DCT: variants seen among roughly 807,000 people sequenced by gnomAD.
DCT encodes dopachrome tautomerase, also known as L-dopachrome tautomerase.
A neutral mutation model predicts 53.0 loss-of-function variants in DCT; 47 were observed. That is an observed-to-expected ratio of 0.89 (90% confidence interval 0.70 to 1.13). The LOEUF (loss-of-function observed/expected upper bound fraction) is 1.13. Ranked by LOEUF, DCT falls within the 50% of genes most tolerant of loss-of-function variation. The pLI is 0.00. For synonymous variants in DCT, 244 were observed against 237.0 expected, an observed-to-expected ratio of 1.03 and a Z score of -0.27; for missense variants, 669 against 637.4, an observed-to-expected ratio of 1.05 and a Z score of -0.53.
At position 94,454,379 on chromosome 13, in the gene DCT, A is replaced by G. The variant is rs2139307102; in HGVS notation, c.1179+5712T>C. Among the ~76,000 whole-genome samples the G allele has an allele frequency of 1.3e-5, 2 of 152,310 alleles. 1 individual carries two copies. Among genetic ancestry groups the G allele is most frequent in the South Asian group, 4.1e-4 (2 of 4,824 alleles). ...TTGGGAAGGAAATTACCACTATGTA[A>G]CACAGTTTCTTTCTTGGCATTTAAA... is the stretch of plus-strand genomic sequence containing the variant. On this transcript the variant is annotated intron_variant, in intron 6 of 7. Transcript: ENST00000377028.
chr13:94,508,285 G>A, the DCT span, among the ~76,000 whole-genome samples: 1 of 152,196 alleles, frequency 6.6e-6, no homozygotes, highest in Admixed American at 6.5e-5. Flanking sequence ...AGATGAGTCT[G>A]CAAACACATA....
At position 94,437,195 on chromosome 13, in the gene DCT, TTATTA is replaced by T. The variant is rs1881956825; in HGVS notation, c.*2698_*2702del. ...GAGATTATTTTTCAGACTGAGGTTG[TTATTA>T]TATATTTTACATGTATATATATTTC... On this transcript the variant is annotated 3_prime_UTR_variant, in exon 8 of 8. Transcript: ENST00000377028. The T allele has an allele frequency of 6.6e-6, 1 of 152,212 alleles. No homozygotes were observed. Among genetic ancestry groups the T allele is most frequent in the African/African-American group, 2.4e-5 (1 of 41,458 alleles). 9.4% of individuals were successfully genotyped at this position (152,212 alleles called of 1,614,324 possible). A position where few individuals can be genotyped will look rare whatever the true frequency, so the allele number is the denominator to read the frequency against.
chr13:94,457,445 C>T (rs1883483311), intron 6 of DCT, among the ~76,000 whole-genome samples: 1 of 152,174 alleles, frequency 6.6e-6, no homozygotes, highest in South Asian at 2.1e-4. Flanking sequence ...AATCAGCTGG[C>T]ACCTTGGTCT....
At chr13:94,506,987 T>C in the DCT span, among the ~76,000 whole-genome samples, 2 of 152,220 alleles carry the variant, frequency 1.3e-5, no homozygotes, top group Admixed American at 1.3e-4. Flanking sequence ...TCTTTGAGTC[T>C]TGGTTTCTTT....
chr13:94,533,552 A>C, the DCT span, among the ~76,000 whole-genome samples: 1 of 152,182 alleles, frequency 6.6e-6, no homozygotes, highest in Non-Finnish European at 1.5e-5. Context: ...TGGGAAACCA[A>C]CATGGAAGGA....
chr13:94,485,893 T>C, the DCT span, among the ~76,000 whole-genome samples: 1 of 152,282 alleles, frequency 6.6e-6, no homozygotes, highest in East Asian at 1.9e-4. Context: ...CTCAATGTCA[T>C]TGGGTTTGTG....
At chr13:94,471,949 T>C (rs1023774990) in intron 1 of DCT, among the ~76,000 whole-genome samples, 4 of 152,184 alleles carry the variant, frequency 2.6e-5, no homozygotes, top group East Asian at 1.9e-4. Flanking sequence ...TGGGAATTTT[T>C]TGTACTTTCT....
At chr13:94,510,123 C>A in the DCT span, among the ~76,000 whole-genome samples, 4 of 152,160 alleles carry the variant, frequency 2.6e-5, no homozygotes, top group Non-Finnish European at 5.9e-5. Context: ...TCCTCAATCT[C>A]TTTTCCAGTT....
At chr13:94,546,904 T>A in the DCT span, among the ~76,000 whole-genome samples, 1 of 152,090 alleles carries the variant, frequency 6.6e-6, no homozygotes, top group Non-Finnish European at 1.5e-5. This position sits in a 1 kb window ranked among gnomAD's most constrained non-coding sequence, Gnocchi z 4.2. Context: ...ACAACGCCAG[T>A]AAACACACTG....
At chr13:94,491,936 T>G in the DCT span, among the ~76,000 whole-genome samples, 5 of 152,160 alleles carry the variant, frequency 3.3e-5, no homozygotes, top group African/African-American at 1.2e-4. Flanking sequence ...ACCAATACTC[T>G]CAAGTGAGAA....
At chr13:94,488,457 G>A in the DCT span, among the ~76,000 whole-genome samples, 2 of 152,138 alleles carry the variant, frequency 1.3e-5, no homozygotes, top group African/African-American at 4.8e-5. Context: ...GCTCACACCT[G>A]TAATCTCGGC....
the DCT span, among the ~76,000 whole-genome samples, chr13:94,518,157 T>TGAAG: frequency 9.4e-5 from 10 of 106,448 alleles, no homozygotes; most frequent in South Asian, 3.4e-4. Context: ...AAGGAAGGAA[T>TGAAG]GAAGGAAGGA....
intron 7 of DCT, among the ~76,000 whole-genome samples, chr13:94,442,555 T>C (rs1419765074): frequency 6.6e-6 from 1 of 152,226 alleles, no homozygotes; most frequent in East Asian, 1.9e-4. Flanking sequence ...GGAGCCATAT[T>C]GGGGCCTGGG....
At chr13:94,456,043 G>GAA (rs1160746779) in intron 6 of DCT, among the ~76,000 whole-genome samples, 1 of 152,166 alleles carries the variant, frequency 6.6e-6, no homozygotes, top group Non-Finnish European at 1.5e-5. Context: ...ACGATAGCCA[G>GAA]AAAAAATGAT....
At chr13:94,482,779 T>A (rs912714970), upstream of DCT, among the ~76,000 whole-genome samples, 2 of 152,236 alleles carry the variant, frequency 1.3e-5, no homozygotes, top group Admixed American at 1.3e-4. Context: ...TATAAAACAC[T>A]TAGGCTTATA....
chr13:94,482,294 C>T (rs971443852), upstream of DCT, among the ~76,000 whole-genome samples: 3 of 152,158 alleles, frequency 2.0e-5, no homozygotes, highest in African/African-American at 4.8e-5. Context: ...ATTTTTCCCT[C>T]GCCTGCCTCT....
chr13:94,460,307 GT>G, intron 5 of DCT, 81 bp from the exon 6 acceptor site: 1 of 1,346,458 alleles, frequency 7.4e-7, no homozygotes, highest in Non-Finnish European at 1.0e-6. Context: ...CTAGATAATA[GT>G]TGTCTAATTT....
chr13:94,476,302 A>T (rs1450786007), intron 1 of DCT, among the ~76,000 whole-genome samples: 1 of 143,694 alleles, frequency 7.0e-6, no homozygotes, highest in Admixed American at 7.5e-5. Flanking sequence ...GATCCCTTCT[A>T]TTCTTTCTAT....
At chr13:94,526,925 G>A in the DCT span, among the ~76,000 whole-genome samples, 2 of 151,976 alleles carry the variant, frequency 1.3e-5, no homozygotes, top group Non-Finnish European at 2.9e-5. Context: ...ACCAAATACT[G>A]CACTTTTCCC....
Sources: allele counts gnomAD v4.1 joint callset (sites outside exome capture counted in the v4.1 genomes callset), GRCh38; gene constraint gnomAD v4.1.1; non-coding constraint Gnocchi (gnomAD v3.1); transcripts MANE v1.5; gene names NCBI Gene and HGNC (gene_info 2026-07-23, HGNC 2026-07-21).